OSBPL10: variants seen among roughly 807,000 people sequenced by gnomAD.
OSBPL10 encodes the protein oxysterol-binding protein-related protein 10.
A neutral mutation model predicts 81.7 loss-of-function variants in OSBPL10; 49 were observed. That is an observed-to-expected ratio of 0.60 (90% confidence interval 0.48 to 0.76). The LOEUF (loss-of-function observed/expected upper bound fraction) is 0.76. Ranked by LOEUF, OSBPL10 falls within the 30% of genes least tolerant of loss-of-function variation. OSBPL10 has a pLI of 0.00. For missense variants in OSBPL10, 923 were observed against 987.8 expected, an observed-to-expected ratio of 0.93 and a Z score of 0.88; for synonymous variants, 419 against 383.6, an observed-to-expected ratio of 1.09 and a Z score of -1.08.
chr3:31,974,706 T>C (rs959346771), intron 1 of OSBPL10, among the ~76,000 whole-genome samples: 2 of 152,160 alleles, frequency 1.3e-5, no homozygotes, highest in African/African-American at 2.4e-5. Context: ...GAGGTCAGAA[T>C]AGCAGTTACC....
intron 6 of OSBPL10, among the ~76,000 whole-genome samples, chr3:31,720,676 A>G (rs2125636977): frequency 1.3e-5 from 2 of 152,064 alleles, no homozygotes; most frequent in African/African-American, 4.8e-5. Context: ...AGGTGGGAGG[A>G]CTGTCTGAGC....
At chr3:31,786,169 A>C (rs996209217) in intron 4 of OSBPL10, among the ~76,000 whole-genome samples, 8 of 152,052 alleles carry the variant, frequency 5.3e-5, no homozygotes, top group Non-Finnish European at 7.4e-5. Flanking sequence ...TCCTTTACCA[A>C]TTTTAGGAGA....
intron 1 of OSBPL10, chr3:31,906,756 A>G (rs1575609129): frequency 6.6e-6 from 1 of 152,222 alleles, no homozygotes; most frequent in East Asian, 1.9e-4. Flanking sequence ...GTGGACCACT[A>G]GTGGATTGGA....
At chr3:31,781,715 A>T (rs1421295245) in intron 4 of OSBPL10, among the ~76,000 whole-genome samples, 1 of 152,254 alleles carries the variant, frequency 6.6e-6, no homozygotes, top group Non-Finnish European at 1.5e-5. Flanking sequence ...CAACTATAAA[A>T]GTAAGATAAA....
chr3:31,705,375 C>CT lies in OSBPL10; in HGVS notation c.1096-2868_1096-2867insA, dbSNP rs1343713176. Reference sequence around the variant, plus strand: ...AGTCCATCTGCACAAAGAGAAGACCCCCCCCCCCACCCCCATCGCGGTCCA... The same window carrying CT: ...AGTCCATCTGCACAAAGAGAAGACCCTCCCCCCCCACCCCCATCGCGGTCCA... On this transcript the variant is annotated intron_variant, in intron 6 of 11. Coordinates refer to ENST00000396556, the MANE Select transcript of OSBPL10 (RefSeq NM_017784.5). Among the ~76,000 whole-genome samples, 17 of 29,934 alleles carry CT rather than the reference C, an allele frequency of 5.7e-4. No individual in the cohort carries two copies. In the East Asian group the frequency reaches 0.01, roughly 18 times the overall value. 19.6% of individuals were successfully genotyped at this position (29,934 alleles called of 152,430 possible).
At position 32,030,426 on chromosome 3, in the gene OSBPL10, G is replaced by T. The variant is rs72855549; in HGVS notation, n.298+16065C>A. 6.7e-3 allele frequency: 4,488 copies of T among 669,818 alleles called. 114 individuals are homozygous for T. The highest frequency in any genetic ancestry group is 0.059 in the African/African-American group (3,321 of 55,900). The allele number at this position is 669,818 out of a possible 1,614,324, so 41.5% of individuals were successfully genotyped here. A position where few individuals can be genotyped will look rare whatever the true frequency, so the allele number is the denominator to read the frequency against. Reference sequence around the variant, plus strand: ...AGCATGCTGCTGGCATTGTGGTAAAGAAACAAGTTAAGGGCAAGATTCTTG... The same window carrying T: ...AGCATGCTGCTGGCATTGTGGTAAATAAACAAGTTAAGGGCAAGATTCTTG... On this transcript the variant is annotated intron_variant and non_coding_transcript_variant, in intron 2 of 3. Coordinates refer to the OSBPL10 transcript ENST00000479173.
chr3:32,063,724 CA>C (rs1355332007), intron 1 of OSBPL10, among the ~76,000 whole-genome samples: 1 of 91,538 alleles, frequency 1.1e-5, no homozygotes, highest in African/African-American at 2.8e-5. Context: ...TGAGTTTTCA[CA>C]AGATCTGATG....
At chr3:31,668,938 T>G in intron 9 of OSBPL10, 114 bp from the exon 10 acceptor site, 2 of 925,088 alleles carry the variant, frequency 2.2e-6, no homozygotes, top group Non-Finnish European at 3.1e-6. Flanking sequence ...GAAGGAGGGA[T>G]TGTTTTTGCA....
intron 1 of OSBPL10, among the ~76,000 whole-genome samples, chr3:31,916,513 T>C (rs9852986): frequency 0.012 from 1,786 of 152,240 alleles, 47 homozygotes; most frequent in African/African-American, 0.037. Flanking sequence ...TCTGACACCT[T>C]TTTTCATGCA....
At chr3:31,791,903 C>T (rs562455606) in intron 4 of OSBPL10, among the ~76,000 whole-genome samples, 16 of 151,330 alleles carry the variant, frequency 1.1e-4, no homozygotes, top group Admixed American at 1.1e-3. Context: ...TTTTCTGAGC[C>T]AAACAATCTG....
At chr3:31,957,703 C>T (rs927526001) in intron 1 of OSBPL10, among the ~76,000 whole-genome samples, 1 of 152,152 alleles carries the variant, frequency 6.6e-6, no homozygotes, top group Non-Finnish European at 1.5e-5. Context: ...TGCAGTGGTG[C>T]AATCTCGGCT....
chr3:31,952,906 G>T (rs1437655545), intron 1 of OSBPL10, among the ~76,000 whole-genome samples: 1 of 149,986 alleles, frequency 6.7e-6, no homozygotes, highest in Non-Finnish European at 1.5e-5. Context: ...ATCTGGTGAT[G>T]AAATTTTTGT....
rs61492992 is a variant in OSBPL10 at position 31,720,881 on chromosome 3, C to CAAAAAAAAAAAAAAAA, written c.1095+12360_1095+12375dup. Among the ~76,000 whole-genome samples the CAAAAAAAAAAAAAAAA allele has an allele frequency of 3.3e-4, 22 of 66,306 alleles. 2 individuals carry two copies. The highest frequency in any genetic ancestry group is 2.9e-3 in the East Asian group (7 of 2,394). 43.5% of individuals were successfully genotyped at this position (66,306 alleles called of 152,430 possible). On this transcript the variant is annotated intron_variant, in intron 6 of 11. Transcript: ENST00000396556. The stretch of plus-strand genomic sequence containing the variant: ...TGGGCAACAGAGCGAGACTCTGTCT[C>CAAAAAAAAAAAAAAAA]AAAAAAAAAAAAAAAAAAAAAAAGG...
At chr3:31,935,427 G>A (rs1296105233) in intron 1 of OSBPL10, among the ~76,000 whole-genome samples, 3 of 151,514 alleles carry the variant, frequency 2.0e-5, no homozygotes, top group African/African-American at 7.3e-5. Context: ...TGAACAGCCT[G>A]TTGAAACAGC....
intron 4 of OSBPL10, among the ~76,000 whole-genome samples, chr3:31,829,318 T>C (rs1372157597): frequency 6.6e-6 from 1 of 152,224 alleles, no homozygotes; most frequent in Non-Finnish European, 1.5e-5. Flanking sequence ...CTGCAGAGGA[T>C]GACAGGGATA....
chr3:31,936,744 C>T (rs1214057191), intron 1 of OSBPL10, among the ~76,000 whole-genome samples: 1 of 152,114 alleles, frequency 6.6e-6, no homozygotes, highest in African/African-American at 2.4e-5. Flanking sequence ...AAAAGAGCCA[C>T]ACTTCATTTC....
intron 4 of OSBPL10, among the ~76,000 whole-genome samples, chr3:31,827,048 A>T (rs1700118411): frequency 6.6e-6 from 1 of 152,184 alleles, no homozygotes; most frequent in African/African-American, 2.4e-5. Context: ...ACAAAAGCCA[A>T]ACCAAATGGC....
chr3:32,010,270 G>C (rs1390113755), intron 2 of OSBPL10, among the ~76,000 whole-genome samples: 1 of 152,158 alleles, frequency 6.6e-6, no homozygotes, highest in African/African-American at 2.4e-5. Flanking sequence ...AAGACTGCCA[G>C]TGCCTTGTTC....
intron 1 of OSBPL10, among the ~76,000 whole-genome samples, chr3:31,913,883 T>C (rs1433561154): frequency 6.6e-6 from 1 of 152,172 alleles, no homozygotes; most frequent in Non-Finnish European, 1.5e-5. Context: ...AACCAGAGGC[T>C]ATAACCACCA....
Sources: allele counts gnomAD v4.1 joint callset (sites outside exome capture counted in the v4.1 genomes callset), GRCh38; gene constraint gnomAD v4.1.1; transcripts MANE v1.5; gene names NCBI Gene and HGNC (gene_info 2026-07-23, HGNC 2026-07-21).